The following TGFB2 variants were observed in gnomAD, a reference collection of about 807,000 sequenced individuals.
TGFB2 encodes the protein transforming growth factor beta 2, also known as transforming growth factor beta-2 proprotein.
TGFB2 carries 13 observed loss-of-function variants against 42.7 expected under a neutral mutation model. That is an observed-to-expected ratio of 0.30 (90% confidence interval 0.20 to 0.48). The LOEUF (loss-of-function observed/expected upper bound fraction) is 0.48, where lower values mean the gene tolerates loss of function less well. Among genes scored for constraint, TGFB2 ranks in the 20% least tolerant of loss-of-function variants. TGFB2 has a pLI of 0.99. For synonymous variants in TGFB2, 193 were observed against 193.6 expected (o/e 1.00, Z 0.03); for missense variants, 390 against 517.5 (o/e 0.75, Z 2.39).
intron 1 of TGFB2, among the ~76,000 whole-genome samples, chr1:218,400,573 C>T (rs1322077663): frequency 6.6e-6 from 1 of 152,100 alleles, no homozygotes; most frequent in East Asian, 1.9e-4. Context: ...GTGCTTGGTA[C>T]CTGGATTAAG....
intron 1 of TGFB2, among the ~76,000 whole-genome samples, chr1:218,374,295 C>G (rs1657671832): frequency 6.6e-6 from 1 of 152,168 alleles, no homozygotes; most frequent in South Asian, 2.1e-4. Flanking sequence ...TAGCCAGTTC[C>G]TGATAGGCCC....
intron 1 of TGFB2, among the ~76,000 whole-genome samples, chr1:218,347,696 A>G (rs1656736272): frequency 6.6e-6 from 1 of 152,218 alleles, no homozygotes; most frequent in Non-Finnish European, 1.5e-5. Flanking sequence ...GCAAAATCCT[A>G]TAACCACGTT....
At position 218,408,221 on chromosome 1, in the gene TGFB2, G is replaced by A. The variant is rs547521764; in HGVS notation, c.510+2889G>A. ...TCTGAGGAGTAGCCTCTGCCAGCAG[G>A]CTTGCCAATGGCTTTTTTCCTCCCA... On this transcript the variant is annotated intron_variant, in intron 2 of 6. Coordinates refer to ENST00000366930, the MANE Select transcript of TGFB2 (RefSeq NM_003238.6). 3.9e-5 allele frequency among the ~76,000 whole-genome samples: 6 copies of A among 152,250 alleles called. No homozygotes were observed. In the South Asian group the frequency reaches 8.3e-4, roughly 21 times the overall value.
At chr1:218,414,164 A>G (rs1259216122) in intron 2 of TGFB2, among the ~76,000 whole-genome samples, 7 of 152,124 alleles carry the variant, frequency 4.6e-5, no homozygotes, top group South Asian at 2.1e-4. Flanking sequence ...TTGTCATACC[A>G]GGGAGCACAG....
chr1:218,430,217 A>G (rs1259035644), intron 2 of TGFB2, among the ~76,000 whole-genome samples: 2 of 151,804 alleles, frequency 1.3e-5, no homozygotes, highest in Non-Finnish European at 2.9e-5. Flanking sequence ...ACATGGCAAA[A>G]CCCCGTCTCT....
intron 1 of TGFB2, among the ~76,000 whole-genome samples, chr1:218,397,446 C>T (rs1051367693): frequency 6.6e-6 from 1 of 151,872 alleles, no homozygotes; most frequent in Non-Finnish European, 1.5e-5. Context: ...TGCCTGTAGT[C>T]CCAGCTACTC....
rs78648096 is a variant in TGFB2, at chr1:218,398,385, T to C, written c.347-6784T>C. Among the ~76,000 whole-genome samples the C allele has an allele frequency of 2.6e-3, 400 of 152,330 alleles. 1 individual carries two copies. The highest frequency in any genetic ancestry group is 9.3e-3 in the African/African-American group (385 of 41,594). On this transcript the variant is annotated intron_variant, in intron 1 of 6. Coordinates refer to ENST00000366930, the MANE Select transcript of TGFB2 (RefSeq NM_003238.6). ...AACCAATCTAAGAGGGAATAAACAA[T>C]AGATAGATGGCTGAAGCATTGCCCT... is the stretch of plus-strand genomic sequence containing the variant.
At chr1:218,438,228 C>G (rs1034513990) in intron 6 of TGFB2, among the ~76,000 whole-genome samples, 2 of 151,908 alleles carry the variant, frequency 1.3e-5, no homozygotes, top group African/African-American at 2.4e-5. Context: ...AAGAAAACAC[C>G]CTTTTTAGAA....
At chr1:218,389,405 G>C (rs1658249043) in intron 1 of TGFB2, among the ~76,000 whole-genome samples, 1 of 152,184 alleles carries the variant, frequency 6.6e-6, no homozygotes, top group African/African-American at 2.4e-5. Context: ...TCGCCCGATA[G>C]AGAGGCTGTT....
In TGFB2 at chr1:218,442,926, G is replaced by A. The variant is rs994762187; in HGVS notation, c.*1564G>A. The A allele has an allele frequency of 6.6e-6, 1 of 152,056 alleles. No individual in the cohort carries two copies. The highest frequency in any genetic ancestry group is 6.6e-5 in the Admixed American group (1 of 15,252). The allele number at this position is 152,056 out of a possible 1,614,324, so 9.4% of individuals were successfully genotyped here. On this transcript the variant is annotated 3_prime_UTR_variant, in exon 7 of 7. Transcript: ENST00000366930. ...ATCAATATTTTTGTAAAATCCTATT[G>A]TTATTACAAAGAGGACACTTCATAG...
intron 2 of TGFB2, among the ~76,000 whole-genome samples, chr1:218,429,554 A>G (rs1281956673): frequency 6.6e-6 from 1 of 152,176 alleles, no homozygotes; most frequent in Non-Finnish European, 1.5e-5. Context: ...TGCTATGAAC[A>G]TTGATGTATA....
intron 1 of TGFB2, among the ~76,000 whole-genome samples, chr1:218,349,357 A>C (rs12130689): frequency 2.2e-4 from 33 of 152,064 alleles, no homozygotes; most frequent in Non-Finnish European, 4.0e-4. Context: ...GGAAAAAAAG[A>C]AAAAAACCAT....
intron 1 of TGFB2, among the ~76,000 whole-genome samples, chr1:218,355,036 G>A (rs1656988798): frequency 6.6e-6 from 1 of 152,144 alleles, no homozygotes; most frequent in South Asian, 2.1e-4. Flanking sequence ...CCAACTAGCT[G>A]GGATTACAAG....
At chr1:218,383,434 A>C (rs758704145) in intron 1 of TGFB2, among the ~76,000 whole-genome samples, 1 of 151,912 alleles carries the variant, frequency 6.6e-6, no homozygotes, top group Non-Finnish European at 1.5e-5. Context: ...ACACAAGACC[A>C]TTTTAAAATG....
intron 1 of TGFB2, among the ~76,000 whole-genome samples, chr1:218,376,947 G>A (rs1475775726): frequency 6.6e-6 from 1 of 152,194 alleles, no homozygotes. Context: ...AGGCTGGAGT[G>A]CAGTGGTGTA....
chr1:218,428,045 ATCTCAT>A (rs1659683351), intron 2 of TGFB2, among the ~76,000 whole-genome samples: 1 of 152,128 alleles, frequency 6.6e-6, no homozygotes, highest in African/African-American at 2.4e-5. Context: ...GTGAGATGGT[ATCTCAT>A]TGTGGTTTTG....
chr1:218,408,704 G>A (rs1345495546), intron 2 of TGFB2, among the ~76,000 whole-genome samples: 1 of 152,084 alleles, frequency 6.6e-6, no homozygotes, highest in East Asian at 1.9e-4. Flanking sequence ...TGTAGGGCCA[G>A]AAGAAATTAG....
At chr1:218,394,069 G>T (rs1658409785) in intron 1 of TGFB2, among the ~76,000 whole-genome samples, 1 of 152,066 alleles carries the variant, frequency 6.6e-6, no homozygotes, top group South Asian at 2.1e-4. Context: ...ACCATGCCTG[G>T]CTAATTTTTT....
chr1:218,348,293 G>A (rs969740163), intron 1 of TGFB2, among the ~76,000 whole-genome samples: 2 of 152,136 alleles, frequency 1.3e-5, no homozygotes, highest in African/African-American at 2.4e-5. Flanking sequence ...CCTTTGCAAA[G>A]TCTCTGTGTC....
Sources: allele counts gnomAD v4.1 joint callset (sites outside exome capture counted in the v4.1 genomes callset), GRCh38; gene constraint gnomAD v4.1.1; transcripts MANE v1.5; gene names NCBI Gene and HGNC (gene_info 2026-07-23, HGNC 2026-07-21).